Variants in TMEM132B observed in about 807,000 individuals in gnomAD.
TMEM132B encodes transmembrane protein 132B.
A neutral mutation model predicts 90.8 loss-of-function variants in TMEM132B; 18 were observed. That is an observed-to-expected ratio of 0.20 (90% CI 0.14 to 0.29). The LOEUF (loss-of-function observed/expected upper bound fraction) is 0.29. TMEM132B is among the 10% of genes least tolerant of loss of function. TMEM132B has a pLI of 1.00. For missense variants in TMEM132B, 1,096 were observed against 1,326.8 expected (o/e 0.83, Z 2.70); for synonymous variants, 504 against 523.3 (o/e 0.96, Z 0.50).
At chr12:125,599,361 C>G (rs1159648937) in intron 5 of TMEM132B, among the ~76,000 whole-genome samples, 2 of 152,154 alleles carry the variant, frequency 1.3e-5, no homozygotes, top group Non-Finnish European at 1.5e-5. Flanking sequence ...TATAAATTAC[C>G]CAGTCTCAGG....
At chr12:125,647,916 A>G (rs61940801) in intron 6 of TMEM132B, among the ~76,000 whole-genome samples, 1 of 131,472 alleles carries the variant, frequency 7.6e-6, no homozygotes, top group East Asian at 2.4e-4. Flanking sequence ...TTTTTTTTTA[A>G]TTATACTTTA....
intron 3 of TMEM132B, among the ~76,000 whole-genome samples, chr12:125,472,843 C>T (rs565613827): frequency 9.5e-4 from 145 of 152,254 alleles, no homozygotes; most frequent in South Asian, 2.9e-3. Context: ...TGATAAGTTT[C>T]GGTTGTTTAG....
At chr12:125,570,497 C>T (rs937243658) in intron 4 of TMEM132B, among the ~76,000 whole-genome samples, 8 of 152,194 alleles carry the variant, frequency 5.3e-5, no homozygotes, top group East Asian at 1.9e-4. Context: ...AGACACAGGT[C>T]GGTCCTTAAC....
intron 1 of TMEM132B, among the ~76,000 whole-genome samples, chr12:125,236,096 C>T (rs550255593): frequency 6.6e-6 from 1 of 151,828 alleles, no homozygotes; most frequent in Non-Finnish European, 1.5e-5. Context: ...AGCCACTGTG[C>T]CGGACCAGCA....
intron 7 of TMEM132B, 139 bp from the exon 8 acceptor site, chr12:125,652,302 T>C: frequency 1.4e-6 from 1 of 711,280 alleles, no homozygotes; most frequent in South Asian, 2.3e-5. Flanking sequence ...AACAACGGCA[T>C]AATACTTCCC....
intron 4 of TMEM132B, among the ~76,000 whole-genome samples, chr12:125,530,514 A>G (rs545776286): frequency 6.6e-6 from 1 of 152,374 alleles, no homozygotes; most frequent in East Asian, 1.9e-4. Context: ...CTAGGGCTGC[A>G]GTAACAAATT....
intron 4 of TMEM132B, among the ~76,000 whole-genome samples, chr12:125,555,655 T>C (rs948479352): frequency 1.6e-4 from 24 of 151,620 alleles, no homozygotes; most frequent in Admixed American, 1.2e-3. Context: ...ATGGCACATG[T>C]ATACATATGT....
At chr12:125,374,858 A>G (rs1222332682) in intron 2 of TMEM132B, among the ~76,000 whole-genome samples, 2 of 152,058 alleles carry the variant, frequency 1.3e-5, no homozygotes, top group Non-Finnish European at 2.9e-5. Flanking sequence ...AAAACCCTCA[A>G]TTTTGGTGGC....
Position 125,652,431 on chromosome 12 carries a change from G to A in TMEM132B, c.1915-10G>A, listed in dbSNP as rs556789768. The A allele has an allele frequency of 1.9e-6, 3 of 1,584,502 alleles. No individual in the cohort carries two copies. The highest frequency in any genetic ancestry group is 1.3e-5 in the African/African-American group (1 of 74,364). On this transcript the variant is annotated splice_polypyrimidine_tract_variant and intron_variant, in intron 7 of 8. Coordinates refer to ENST00000682704, the MANE Select transcript of TMEM132B (RefSeq NM_001366854.1). ...GCAGAGATGCATGAGTCTCCTCGCT[G>A]ACTTTTCAGGTCCTCTCGCCGTTGT...
chr12:125,281,236 C>T (rs1253579888), intron 1 of TMEM132B, among the ~76,000 whole-genome samples: 5 of 152,074 alleles, frequency 3.3e-5, no homozygotes, highest in African/African-American at 1.2e-4. Context: ...CAGGAATGGG[C>T]CAGGGCAGGC....
chr12:125,578,417 T>C (rs1408576074), intron 4 of TMEM132B, among the ~76,000 whole-genome samples: 1 of 152,188 alleles, frequency 6.6e-6, no homozygotes, highest in Non-Finnish European at 1.5e-5. Flanking sequence ...TGAACAAACA[T>C]CTATAATTAT....
rs1486808998 is a variant in TMEM132B at position 125,637,422 on chromosome 12, C to T, written c.1438-6654C>T. Among the ~76,000 whole-genome samples the T allele has an allele frequency of 2.6e-5, 4 of 152,154 alleles. No individual in the cohort carries two copies. The East Asian group carries it at 5.8e-4, about 22-fold the overall frequency. On this transcript the variant is annotated intron_variant, in intron 5 of 8. Coordinates refer to ENST00000682704, the MANE Select transcript of TMEM132B (RefSeq NM_001366854.1). Reference sequence around the variant, plus strand: ...TTTGCCAAGGTTAAGGACATGCGCCCGTGTCACAGGCTCAGGAGGTCCTGA... The same window carrying T: ...TTTGCCAAGGTTAAGGACATGCGCCTGTGTCACAGGCTCAGGAGGTCCTGA...
chr12:125,360,390 G>C (rs1327791385), intron 2 of TMEM132B, among the ~76,000 whole-genome samples: 1 of 152,072 alleles, frequency 6.6e-6, no homozygotes, highest in Non-Finnish European at 1.5e-5. Flanking sequence ...CCTAGACGAT[G>C]GTCTACAATA....
At chr12:125,354,914 T>G (rs980803900) in intron 2 of TMEM132B, among the ~76,000 whole-genome samples, 5 of 152,108 alleles carry the variant, frequency 3.3e-5, no homozygotes, top group African/African-American at 1.2e-4. Context: ...GCATACAAGG[T>G]AAGTACTAGT....
intron 4 of TMEM132B, among the ~76,000 whole-genome samples, chr12:125,543,910 G>T (rs1367267427): frequency 2.0e-5 from 3 of 151,104 alleles, no homozygotes; most frequent in African/African-American, 4.8e-5. Context: ...TATGTTCACT[G>T]CAGCACTATT....
chr12:125,543,222 T>C (rs1438758123), intron 4 of TMEM132B, among the ~76,000 whole-genome samples: 1 of 152,214 alleles, frequency 6.6e-6, no homozygotes, highest in African/African-American at 2.4e-5. Flanking sequence ...TTCAGTTATA[T>C]GATAATGCAG....
chr12:125,651,024 A>T lies in TMEM132B; in HGVS notation c.1914+71A>T, dbSNP rs561602505. 9.0e-5 allele frequency: 142 copies of T among 1,571,768 alleles called. No homozygotes were observed. The South Asian group carries it at 1.6e-3, about 18-fold the overall frequency. On this transcript the variant is annotated intron_variant, in intron 7 of 8. Transcript: ENST00000682704. ...TGGCCAGGTAGATGCTGTTGTGCAG[A>T]TGTGTGTCTGTGTGCACATGTGCAT...
chr12:125,592,730 T>C (rs1048416448), intron 5 of TMEM132B, among the ~76,000 whole-genome samples: 2 of 152,118 alleles, frequency 1.3e-5, no homozygotes, highest in African/African-American at 2.4e-5. Context: ...GTGGTTGTGT[T>C]TACAGAGAGG....
intron 5 of TMEM132B, among the ~76,000 whole-genome samples, chr12:125,622,073 G>T (rs571352694): frequency 4.6e-5 from 7 of 152,244 alleles, no homozygotes; most frequent in Admixed American, 4.6e-4. Context: ...TTTCAGCAGG[G>T]CTTGGGGTGT....
Sources: gnomAD v4.1 joint callset for allele counts (sites outside exome capture counted in the v4.1 genomes callset) on GRCh38, gnomAD v4.1.1 for gene constraint, MANE v1.5 for transcripts, NCBI Gene and HGNC (gene_info 2026-07-23, HGNC 2026-07-21) for gene names.